Variants in QTGAL observed in about 807,000 individuals in gnomAD.
QTGAL encodes the protein BGnT-like protein 1.
At chr17:83,004,996 G>A in the QTGAL span, 92 of 749,052 alleles carry the variant, frequency 1.2e-4, 1 homozygote, top group Middle Eastern at 2.4e-3. Context: ...GAGTGAAGGC[G>A]AGGACAGAAG....
chr17:83,051,665 G>T, the QTGAL span: 2 of 1,342,148 alleles, frequency 1.5e-6, no homozygotes, highest in South Asian at 3.1e-5. Context: ...AGCGAGAGAG[G>T]ACTGGAGGGC....
chr17:82,971,400 C>T, the QTGAL span, among the ~76,000 whole-genome samples: 160 of 152,306 alleles, frequency 1.1e-3, no homozygotes, highest in African/African-American at 3.6e-3. Flanking sequence ...CTGCCAGGCG[C>T]CCGGCGAGTC....
the QTGAL span, among the ~76,000 whole-genome samples, chr17:82,954,744 A>C: frequency 1.3e-5 from 2 of 152,036 alleles, no homozygotes; most frequent in Non-Finnish European, 2.9e-5. Flanking sequence ...CTCCAAGTCT[A>C]CAGTAACCAA....
the QTGAL span, among the ~76,000 whole-genome samples, chr17:83,040,578 C>T: frequency 6.6e-6 from 1 of 152,084 alleles, no homozygotes; most frequent in African/African-American, 2.4e-5. Flanking sequence ...AGAAACAATA[C>T]CTTTAAAATA....
chr17:83,048,062 T>C, the QTGAL span, among the ~76,000 whole-genome samples: 1 of 152,112 alleles, frequency 6.6e-6, no homozygotes, highest in Non-Finnish European at 1.5e-5. Flanking sequence ...AGTCTTGCTC[T>C]GTCACCCCAG....
chr17:83,011,890 C>T, the QTGAL span, among the ~76,000 whole-genome samples: 846 of 152,148 alleles, frequency 5.6e-3, 8 homozygotes, highest in African/African-American at 0.019. Flanking sequence ...ACACACGCCA[C>T]GAACTCCTGG....
chr17:82,972,762 G>GACCAC, the QTGAL span, among the ~76,000 whole-genome samples: 11 of 138,432 alleles, frequency 7.9e-5, no homozygotes, highest in South Asian at 2.5e-3. Context: ...ACCCAGTACT[G>GACCAC]ACCACACCAC....
At chr17:82,990,511 T>C in the QTGAL span, among the ~76,000 whole-genome samples, 3 of 152,374 alleles carry the variant, frequency 2.0e-5, no homozygotes, top group African/African-American at 7.2e-5. Context: ...ACCAAATGCA[T>C]TGGACTGAAT....
chr17:83,010,687 G>C, the QTGAL span, among the ~76,000 whole-genome samples: 1 of 152,260 alleles, frequency 6.6e-6, no homozygotes, highest in African/African-American at 2.4e-5. Flanking sequence ...GTTTATTTAA[G>C]TTAACACGCA....
chr17:82,946,569 A>AGTGTGTGTGTGTGTGTGTGTGT, the QTGAL span, among the ~76,000 whole-genome samples: 5,040 of 150,258 alleles, frequency 0.034, 137 homozygotes, highest in South Asian at 0.062. Context: ...ACAGAACCCA[A>AGTGTGTGTGTGTGTGTGTGTGT]GTGTGTGTGT....
At chr17:83,000,938 CATGGT>C in the QTGAL span, among the ~76,000 whole-genome samples, 248 of 152,298 alleles carry the variant, frequency 1.6e-3, 3 homozygotes, top group South Asian at 0.017. Context: ...GAAAGTGGGT[CATGGT>C]TGCATGGTGT....
chr17:82,970,345 C>T, the QTGAL span, among the ~76,000 whole-genome samples: 1 of 152,272 alleles, frequency 6.6e-6, no homozygotes, highest in Non-Finnish European at 1.5e-5. Flanking sequence ...CCTCAACCCT[C>T]AGAAAAACGG....
the QTGAL span, among the ~76,000 whole-genome samples, chr17:83,038,213 T>G: frequency 6.6e-6 from 1 of 152,184 alleles, no homozygotes; most frequent in Non-Finnish European, 1.5e-5. Flanking sequence ...GGAAAATACG[T>G]CCCTTTCAGC....
chr17:82,957,207 C>A, the QTGAL span: 2 of 1,614,222 alleles, frequency 1.2e-6, no homozygotes, highest in Admixed American at 3.3e-5. Flanking sequence ...CAATAGAAGC[C>A]TTTCCTGATC....
At chr17:83,048,495 G>GC in the QTGAL span, 6 of 1,612,736 alleles carry the variant, frequency 3.7e-6, no homozygotes, top group Non-Finnish European at 4.2e-6. Flanking sequence ...GGAGAATCGT[G>GC]CCCCCCAATG....
the QTGAL span, among the ~76,000 whole-genome samples, chr17:83,039,746 C>T: frequency 6.6e-6 from 1 of 152,214 alleles, no homozygotes; most frequent in Non-Finnish European, 1.5e-5. Context: ...GGAGGCAGAG[C>T]GAGGTGGCCG....
the QTGAL span, among the ~76,000 whole-genome samples, chr17:82,953,243 GGTT>G: frequency 6.6e-6 from 1 of 151,922 alleles, no homozygotes; most frequent in Middle Eastern, 3.2e-3. Flanking sequence ...ATCAATGACT[GGTT>G]TTTTGAAAAG....
chr17:83,039,877 C>A, the QTGAL span, among the ~76,000 whole-genome samples: 115 of 152,334 alleles, frequency 7.5e-4, no homozygotes, highest in East Asian at 0.02. Context: ...CACTGAGACA[C>A]CCCGCAGGTG....
chr17:83,006,648 C>A, the QTGAL span: 1 of 985,020 alleles, frequency 1.0e-6, no homozygotes, highest in South Asian at 4.7e-5. This position sits in a 1 kb window ranked among gnomAD's most constrained non-coding sequence, Gnocchi z 5.8. Flanking sequence ...ATCCCGACGC[C>A]GTGGCTGTGC....
Sources: allele counts gnomAD v4.1 joint callset (sites outside exome capture counted in the v4.1 genomes callset), GRCh38; gene constraint gnomAD v4.1.1; non-coding constraint Gnocchi (gnomAD v3.1); transcripts MANE v1.5; gene names NCBI Gene and HGNC (gene_info 2026-07-23, HGNC 2026-07-21).